GID8: variants seen among roughly 807,000 people sequenced by gnomAD.
GID8 encodes glucose-induced degradation protein 8 homolog.
In GID8, 6 loss-of-function variants were observed where a neutral mutation model predicts 27.4. The observed-to-expected ratio is 0.22, with a 90% CI of 0.12 to 0.43. GID8 has a LOEUF of 0.43. GID8 is among the 20% of genes least tolerant of loss of function. GID8 has a pLI of 1.00. For missense variants in GID8, 173 were observed against 287.6 expected, an observed-to-expected ratio of 0.60 and a Z score of 2.88; for synonymous variants, 112 against 109.0, an observed-to-expected ratio of 1.03 and a Z score of -0.17.
rs573390666 is a variant in GID8 at position 62,948,345 on chromosome 20, A to G, written c.*3433A>G. On this transcript the variant is annotated 3_prime_UTR_variant, in exon 5 of 5. Transcript: ENST00000266069. ...ATAACCTGCTGTGGTACCTTTGTACATGTTTGATTCTGTATTCTTTATTCC... is the reference window on the plus strand; with the variant it reads ...ATAACCTGCTGTGGTACCTTTGTACGTGTTTGATTCTGTATTCTTTATTCC... 4.9e-4 allele frequency: 75 copies of G among 152,338 alleles called. 1 individual carries two copies. The highest frequency in any genetic ancestry group is 1.4e-3 in the African/African-American group (59 of 41,574). 9.4% of individuals were successfully genotyped at this position (152,338 alleles called of 1,614,324 possible). A position where few individuals can be genotyped will look rare whatever the true frequency, so the allele number is the denominator to read the frequency against.
intron 1 of GID8, 47 bp from the exon 2 acceptor site, chr20:62,941,444 G>T: frequency 9.7e-7 from 1 of 1,025,702 alleles, no homozygotes; most frequent in Non-Finnish European, 1.5e-6. Context: ...CTCTGCCCTT[G>T]GAGGAGCATC....
At chr20:62,944,367 C>T (rs536915055) in intron 4 of GID8, among the ~76,000 whole-genome samples, 9 of 152,300 alleles carry the variant, frequency 5.9e-5, no homozygotes, top group African/African-American at 2.2e-4. Context: ...CCTCTTCCCC[C>T]GGGTCCTCTC....
chr20:62,946,112 C>A lies in GID8; in HGVS notation c.*1200C>A. ...AGCGGACCACCGGGCACTGTTGACCCCACTGAGCAGTGCTAAGTGTTGGTT... is the reference window on the plus strand; with the variant it reads ...AGCGGACCACCGGGCACTGTTGACCACACTGAGCAGTGCTAAGTGTTGGTT... On this transcript the variant is annotated 3_prime_UTR_variant, in exon 5 of 5. Coordinates refer to ENST00000266069, the MANE Select transcript of GID8 (RefSeq NM_017896.3). The A allele has an allele frequency of 1.0e-6, 1 of 979,340 alleles. No individual in the cohort carries two copies. Among genetic ancestry groups the A allele is most frequent in the Non-Finnish European group, 1.4e-6 (1 of 714,580 alleles). 60.7% of individuals were successfully genotyped at this position (979,340 alleles called of 1,614,324 possible).
At position 62,943,618 on chromosome 20, in the gene GID8, C is replaced by T; in HGVS notation, c.439C>T (p.Leu147=). Reference sequence around the variant, plus strand: ...GTGCCTCACAGAGATGGAGCGTACCCTGGCACTGCTGGCCTTTGACAGTCC... The same window carrying T: ...GTGCCTCACAGAGATGGAGCGTACCTTGGCACTGCTGGCCTTTGACAGTCC... The part of the protein sequence containing the change: ...RECLTEMERT[L]ALLAFDSPEE... The change falls in exon 4 of 5, where the codon CTG becomes TTG. Residue 147 remains leucine, a synonymous_variant. Transcript: ENST00000266069. The surrounding 1 kb of genome is among the most constrained non-coding windows in gnomAD (Gnocchi z 4.7). The T allele has an allele frequency of 1.2e-6, 2 of 1,613,894 alleles. No individual in the cohort carries two copies. The highest frequency in any genetic ancestry group is 1.7e-6 in the Non-Finnish European group (2 of 1,179,998).
At chr20:62,939,408 G>A (rs1340410098) in intron 1 of GID8, among the ~76,000 whole-genome samples, 2 of 151,676 alleles carry the variant, frequency 1.3e-5, no homozygotes, top group Non-Finnish European at 2.9e-5. Flanking sequence ...AAATATCCCT[G>A]TGCCCCAGCA....
Position 62,941,498 on chromosome 20 carries a change from T to G in GID8, c.-5T>G. ...GTTATTTTTTTCCTGTAGAAATAAATCAGAATGAGTTATGCAGAAAAACCC... is the reference window on the plus strand; with the variant it reads ...GTTATTTTTTTCCTGTAGAAATAAAGCAGAATGAGTTATGCAGAAAAACCC... On this transcript the variant is annotated 5_prime_UTR_variant, in exon 2 of 5. Transcript: ENST00000266069. 1.3e-6 allele frequency: 2 copies of G among 1,571,392 alleles called. No homozygotes were observed. The highest frequency in any genetic ancestry group is 1.8e-6 in the Non-Finnish European group (2 of 1,141,260).
At chr20:62,941,743 C>T (rs980162910) in intron 2 of GID8, 123 bp downstream of exon 2, 3 of 682,972 alleles carry the variant, frequency 4.4e-6, no homozygotes, top group African/African-American at 3.5e-5. Context: ...TATGAAAACA[C>T]AATGCTAACC....
chr20:62,945,402 A>G lies in GID8; in HGVS notation c.*490A>G, dbSNP rs2065461941. 1 of 981,816 alleles carries G rather than the reference A, an allele frequency of 1.0e-6. No individual in the cohort carries two copies. The highest frequency in any genetic ancestry group is 1.2e-6 in the Non-Finnish European group (1 of 826,596). 60.8% of individuals were successfully genotyped at this position (981,816 alleles called of 1,614,324 possible). Reference sequence around the variant, plus strand: ...CATAGGAAAGAATATATAAATTTGTAAATCCTAATTCAAAGATGGCTCATG... The same window carrying G: ...CATAGGAAAGAATATATAAATTTGTGAATCCTAATTCAAAGATGGCTCATG... On this transcript the variant is annotated 3_prime_UTR_variant, in exon 5 of 5. Coordinates refer to ENST00000266069, the MANE Select transcript of GID8 (RefSeq NM_017896.3).
intron 1 of GID8, among the ~76,000 whole-genome samples, chr20:62,939,842 C>T (rs529276404): frequency 2.4e-3 from 373 of 152,294 alleles, no homozygotes; most frequent in African/African-American, 8.6e-3. Flanking sequence ...TATTGAAACA[C>T]TTTAGCAGTA....
At chr20:62,939,185 CAGTG>C (rs1259969744) in intron 1 of GID8, among the ~76,000 whole-genome samples, 1 of 152,098 alleles carries the variant, frequency 6.6e-6, no homozygotes, top group Non-Finnish European at 1.5e-5. Flanking sequence ...AAGTTGGTCT[CAGTG>C]AGTTTTGCAG....
In GID8 at chr20:62,943,723, A is replaced by G; in HGVS notation, c.513+31A>G. The stretch of plus-strand genomic sequence containing the variant: ...GCCTGCCAGAGGGAAGCTTTCTTCC[A>G]TTCCCCATGTGCTCTGAGGGGGCTT... On this transcript the variant is annotated intron_variant, in intron 4 of 4. Transcript: ENST00000266069. The surrounding 1 kb of genome is among the most constrained non-coding windows in gnomAD (Gnocchi z 4.7). 3 of 1,553,920 alleles carry G rather than the reference A, an allele frequency of 1.9e-6. No homozygotes were observed. The highest frequency in any genetic ancestry group is 2.7e-6 in the Non-Finnish European group (3 of 1,126,670).
rs1287562280 is a variant in GID8 at position 62,943,389 on chromosome 20, A to C, written c.316-106A>C. On this transcript the variant is annotated intron_variant, in intron 3 of 4. Transcript: ENST00000266069. The surrounding 1 kb of genome is among the most constrained non-coding windows in gnomAD (Gnocchi z 4.7). ...AAATTTGATAACTCAGAGATGCAAG[A>C]AAAGTCTTCCCTCTGTGATGTACTT... 2.6e-6 allele frequency: 3 copies of C among 1,134,540 alleles called. No homozygotes were observed. Among genetic ancestry groups the C allele is most frequent in the Non-Finnish European group, 3.9e-6 (3 of 776,730 alleles). 70.3% of individuals were successfully genotyped at this position (1,134,540 alleles called of 1,614,324 possible). A position where few individuals can be genotyped will look rare whatever the true frequency, so the allele number is the denominator to read the frequency against.
chr20:62,940,351 A>ATT lies in GID8; in HGVS notation c.-12-1125_-12-1124dup, dbSNP rs34532008. 2.4e-3 allele frequency among the ~76,000 whole-genome samples: 269 copies of ATT among 111,272 alleles called. 7 individuals are homozygous for ATT. The highest frequency in any genetic ancestry group is 9.1e-3 in the South Asian group (30 of 3,312). The allele number at this position is 111,272 out of a possible 152,430, so 73.0% of individuals were successfully genotyped here. A position where few individuals can be genotyped will look rare whatever the true frequency, so the allele number is the denominator to read the frequency against. ...AGGCATCTGCCACCATGCCCGGCAA[A>ATT]TTTTTTTTTTTTTTTTGAGACGGAG... On this transcript the variant is annotated intron_variant, in intron 1 of 4. Coordinates refer to ENST00000266069, the MANE Select transcript of GID8 (RefSeq NM_017896.3).
chr20:62,945,469 G>A lies in GID8; in HGVS notation c.*557G>A, dbSNP rs991426455. ...TTGATTTGTTTTCCCTTTGGTCTGG[G>A]TTGTGTGGCTTTTGGGGGATGCGTG... is the stretch of plus-strand genomic sequence containing the variant. On this transcript the variant is annotated 3_prime_UTR_variant, in exon 5 of 5. Coordinates refer to ENST00000266069, the MANE Select transcript of GID8 (RefSeq NM_017896.3). 10 of 1,016,464 alleles carry A rather than the reference G, an allele frequency of 9.8e-6. No homozygotes were observed. In the African/African-American group the frequency reaches 1.7e-4, roughly 18 times the overall value. 63.0% of individuals were successfully genotyped at this position (1,016,464 alleles called of 1,614,324 possible).
intron 2 of GID8, 81 bp from the exon 3 acceptor site, chr20:62,942,906 A>T (rs754361851): frequency 4.1e-6 from 4 of 979,174 alleles, no homozygotes; most frequent in East Asian, 4.8e-5. Flanking sequence ...AATTGAGGCA[A>T]TTGGAGTTTC....
Position 62,945,245 on chromosome 20 carries a change from G to C in GID8, c.*333G>C. 2 of 1,059,368 alleles carry C rather than the reference G, an allele frequency of 1.9e-6. No homozygotes were observed. Among genetic ancestry groups the C allele is most frequent in the Non-Finnish European group, 2.3e-6 (2 of 876,060 alleles). 65.6% of individuals were successfully genotyped at this position (1,059,368 alleles called of 1,614,324 possible). On this transcript the variant is annotated 3_prime_UTR_variant, in exon 5 of 5. Transcript: ENST00000266069. ...CCACGGAGGGCTGTGCTGTTAGGCTGCATCCCACTCAAAATACAGGAAAAG... is the reference window on the plus strand; with the variant it reads ...CCACGGAGGGCTGTGCTGTTAGGCTCCATCCCACTCAAAATACAGGAAAAG...
rs372293365 is a variant in GID8 at position 62,941,800 on chromosome 20, A to T, written c.118+180A>T. On this transcript the variant is annotated intron_variant, in intron 2 of 4. Coordinates refer to ENST00000266069, the MANE Select transcript of GID8 (RefSeq NM_017896.3). Reference sequence around the variant, plus strand: ...TGTGAAAGCCTTTTCTGAAGATGAGATTTTTCCAGGTCTCTGAGACCTAAC... The same window carrying T: ...TGTGAAAGCCTTTTCTGAAGATGAGTTTTTTCCAGGTCTCTGAGACCTAAC... 5.3e-5 allele frequency among the ~76,000 whole-genome samples: 8 copies of T among 152,320 alleles called. 1 individual carries two copies. The highest frequency in any genetic ancestry group is 2.6e-4 in the Admixed American group (4 of 15,308).
At chr20:62,941,043 T>C (rs1170177556) in intron 1 of GID8, among the ~76,000 whole-genome samples, 1 of 152,250 alleles carries the variant, frequency 6.6e-6, no homozygotes, top group African/African-American at 2.4e-5. Flanking sequence ...GTTTTAAACA[T>C]GCAGTTCTGT....
At position 62,943,543 on chromosome 20, in the gene GID8, C is replaced by T. The variant is rs1387470499; in HGVS notation, c.364C>T (p.Leu122=). ...CCGCCAGCGGGAGACAGAGGCGGCG[C>T]TGGAGTTTGCACAGACTCAGCTGGC... ...LIRQRETEAA[L]EFAQTQLAEQ... Residue 122 remains leucine, a synonymous_variant, in exon 4 of 5, where the codon CTG becomes TTG. Transcript: ENST00000266069. The surrounding 1 kb of genome is among the most constrained non-coding windows in gnomAD (Gnocchi z 4.7). 6.2e-7 allele frequency: 1 copy of T among 1,613,204 alleles called. No homozygotes were observed. Among genetic ancestry groups the T allele is most frequent in the Admixed American group, 1.7e-5 (1 of 60,036 alleles).
Sources: gnomAD v4.1 joint callset for allele counts (sites outside exome capture counted in the v4.1 genomes callset) on GRCh38, gnomAD v4.1.1 for gene constraint, Gnocchi (gnomAD v3.1) non-coding constraint, MANE v1.5 for transcripts, NCBI Gene and HGNC (gene_info 2026-07-23, HGNC 2026-07-21) for gene names.